Variants in DMD observed in about 807,000 individuals in gnomAD.
DMD encodes the protein mutant dystrophin.
A neutral mutation model predicts 330.1 loss-of-function variants in DMD; 63 were observed. That is an observed-to-expected ratio of 0.19 (90% confidence interval 0.16 to 0.24). The LOEUF (loss-of-function observed/expected upper bound fraction) is 0.24. Ranked by LOEUF, DMD falls within the 10% of genes least tolerant of loss-of-function variation. DMD has a pLI of 1.00. For synonymous variants in DMD, 1,223 were observed against 959.8 expected, an observed-to-expected ratio of 1.27 and a Z score of -5.07; for missense variants, 3,344 against 2,684.1, an observed-to-expected ratio of 1.25 and a Z score of -5.43.
chrX:32,706,536 C>T (rs1474533910), intron 7 of DMD, among the ~76,000 whole-genome samples: 1 of 109,452 alleles, frequency 9.1e-6, no homozygotes. Context: ...TGCACTCCAC[C>T]CTGGGTGAGA....
intron 2 of DMD, among the ~76,000 whole-genome samples, chrX:32,976,554 A>AT (rs1221132706): frequency 8.9e-6 from 1 of 111,757 alleles, no homozygotes; most frequent in Admixed American, 9.6e-5. Context: ...CAAAGGGAAA[A>AT]TGTGCACTTA....
chrX:32,759,971 T>TA (rs370326857), intron 7 of DMD, among the ~76,000 whole-genome samples: 71 of 109,616 alleles, frequency 6.5e-4, no homozygotes, highest in African/African-American at 2.3e-3. Flanking sequence ...AGATAGAGGA[T>TA]AAAAAAAGAA....
chrX:32,373,804 T>A (rs773725462), intron 34 of DMD, among the ~76,000 whole-genome samples: 3 of 111,843 alleles, frequency 2.7e-5, no homozygotes, highest in African/African-American at 9.7e-5. Flanking sequence ...AGAAGTTGGC[T>A]AGAATTGATA....
chrX:31,237,077 AACCTTAGTT>A (rs1319961638), intron 63 of DMD, among the ~76,000 whole-genome samples: 1 of 112,211 alleles, frequency 8.9e-6, no homozygotes, highest in African/African-American at 3.2e-5. Context: ...AGTAGAAATT[AACCTTAGTT>A]ACCATGGGAA....
chrX:31,126,843 A>C, intron 77 of DMD, 170 bp from the exon 78 acceptor site: 1 of 459,438 alleles, frequency 2.2e-6, no homozygotes, highest in Non-Finnish European at 3.8e-6. Flanking sequence ...AAAAACCCAA[A>C]AGACACATCT....
At chrX:31,478,448 A>C (rs1025174009) in intron 58 of DMD, 74 bp from the exon 59 acceptor site, 1 of 1,165,068 alleles carries the variant, frequency 8.6e-7, no homozygotes, top group Non-Finnish European at 1.2e-6. Flanking sequence ...TCATACTGGA[A>C]GAAAGAAAGA....
At chrX:32,636,335 C>A (rs1372284561) in intron 11 of DMD, among the ~76,000 whole-genome samples, 2 of 111,757 alleles carry the variant, frequency 1.8e-5, no homozygotes, top group Non-Finnish European at 3.8e-5. Context: ...TAAATTACAA[C>A]CTCACAGTAA....
intron 52 of DMD, among the ~76,000 whole-genome samples, chrX:31,699,200 G>A (rs1428070775): frequency 8.9e-6 from 1 of 112,034 alleles, no homozygotes; most frequent in Admixed American, 9.5e-5. Flanking sequence ...GGACTTTTCT[G>A]GGGCTTCTTA....
chrX:33,333,384 T>A (rs1255618832), intron 1 of DMD, among the ~76,000 whole-genome samples: 1 of 111,296 alleles, frequency 9.0e-6, no homozygotes, highest in Non-Finnish European at 1.9e-5. Flanking sequence ...AGTTTTATAG[T>A]CTTCAGTGGG....
intron 55 of DMD, among the ~76,000 whole-genome samples, chrX:31,557,293 T>C (rs1387931977): frequency 5.4e-5 from 6 of 111,566 alleles, no homozygotes; most frequent in Non-Finnish European, 5.6e-5. Context: ...GTGGCTCATG[T>C]GGCCTGTAAA....
intron 64 of DMD, among the ~76,000 whole-genome samples, chrX:31,219,833 T>TACATACACACACACAC (rs751493897): frequency 2.0e-5 from 2 of 100,326 alleles, no homozygotes; most frequent in African/African-American, 7.2e-5. Context: ...GATCAATGTA[T>TACATACACACACACAC]ACACACACAC....
intron 69 of DMD, among the ~76,000 whole-genome samples, chrX:31,180,169 A>G (rs760865156): frequency 9.0e-6 from 1 of 111,626 alleles, no homozygotes; most frequent in Non-Finnish European, 1.9e-5. Flanking sequence ...TTGAGGGTCT[A>G]TCATGTTCCA....
chrX:32,471,262 G>C (rs1362989413), intron 22 of DMD, among the ~76,000 whole-genome samples: 3 of 111,755 alleles, frequency 2.7e-5, no homozygotes, highest in African/African-American at 9.7e-5. Context: ...TGGGCAACAA[G>C]AATGAAACTC....
chrX:32,909,710 A>T (rs764999020), intron 2 of DMD, among the ~76,000 whole-genome samples: 1 of 112,296 alleles, frequency 8.9e-6, no homozygotes, highest in Admixed American at 9.5e-5. Context: ...ATTGAATTCA[A>T]TCAGTAGATA....
chrX:32,590,908 T>G (rs777904827), intron 13 of DMD, among the ~76,000 whole-genome samples: 2 of 111,984 alleles, frequency 1.8e-5, no homozygotes, highest in East Asian at 5.6e-4. Flanking sequence ...AAATGTATAT[T>G]TTATATACAC....
At chrX:32,158,021 A>G (rs940670527) in intron 44 of DMD, among the ~76,000 whole-genome samples, 1 of 112,128 alleles carries the variant, frequency 8.9e-6, no homozygotes, top group African/African-American at 3.2e-5. Context: ...TCCCTCTGGG[A>G]TTAGTATATT....
At chrX:31,609,518 CGTGTGTGTGT>C (rs74965499) in intron 55 of DMD, among the ~76,000 whole-genome samples, 2 of 109,688 alleles carry the variant, frequency 1.8e-5, no homozygotes, top group African/African-American at 3.3e-5. Context: ...CGTGTGTGTG[CGTGTGTGTGT>C]GTGTTTGTGT....
At chrX:32,422,138 T>C (rs2098192536) in intron 29 of DMD, among the ~76,000 whole-genome samples, 1 of 111,238 alleles carries the variant, frequency 9.0e-6, no homozygotes, top group Admixed American at 9.6e-5. Flanking sequence ...TCATGAGCAG[T>C]GGTTGGGCAA....
chrX:32,562,333 C>T (rs1425182785), intron 16 of DMD, among the ~76,000 whole-genome samples: 5 of 112,537 alleles, frequency 4.4e-5, no homozygotes, highest in African/African-American at 1.6e-4. Context: ...GAGAGCAGTC[C>T]TCCTAGCTGA....
Sources: allele counts gnomAD v4.1 joint callset (sites outside exome capture counted in the v4.1 genomes callset), GRCh38; gene constraint gnomAD v4.1.1; transcripts MANE v1.5; gene names NCBI Gene and HGNC (gene_info 2026-07-23, HGNC 2026-07-21).